B3GALNT2: variants seen among roughly 807,000 people sequenced by gnomAD.
B3GALNT2 encodes UDP-GalNAc:beta-1,3-N-acetylgalactosaminyltransferase 2.
Under a neutral mutation model 61.1 loss-of-function variants are expected in B3GALNT2, and 53 were observed. The ratio of observed to expected loss-of-function variants is 0.87; its 90% CI spans 0.70 to 1.09. B3GALNT2 has a LOEUF of 1.09. B3GALNT2 is among the 50% of genes least tolerant of loss of function. B3GALNT2 has a pLI of 0.00. For synonymous variants in B3GALNT2, 223 were observed against 237.4 expected, an observed-to-expected ratio of 0.94 and a Z score of 0.56; for missense variants, 544 against 623.0, an observed-to-expected ratio of 0.87 and a Z score of 1.35.
chr1:235,462,551 CTGTA>C (rs1436551848), intron 7 of B3GALNT2, among the ~76,000 whole-genome samples: 1 of 152,202 alleles, frequency 6.6e-6, no homozygotes, highest in African/African-American at 2.4e-5. Flanking sequence ...CAAAAACAAT[CTGTA>C]TGTCTATATA....
At chr1:235,501,456 A>C (rs771125053) in intron 1 of B3GALNT2, among the ~76,000 whole-genome samples, 18 of 152,212 alleles carry the variant, frequency 1.2e-4, no homozygotes, top group Non-Finnish European at 2.2e-4. Flanking sequence ...ATCTCTTAAC[A>C]CTGCTTTATC....
At chr1:235,441,839 A>G in the B3GALNT2 span, 2 of 1,613,976 alleles carry the variant, frequency 1.2e-6, no homozygotes, top group Non-Finnish European at 1.7e-6. Context: ...AAGATTGGGA[A>G]CTCAAAACAC....
intron 7 of B3GALNT2, among the ~76,000 whole-genome samples, chr1:235,460,472 AT>A (rs899987032): frequency 2.0e-5 from 3 of 147,682 alleles, no homozygotes; most frequent in Non-Finnish European, 4.5e-5. Context: ...AAAAAAAAAA[AT>A]TAGAAATGAA....
At chr1:235,477,174 C>A (rs542541148) in intron 5 of B3GALNT2, among the ~76,000 whole-genome samples, 1 of 152,282 alleles carries the variant, frequency 6.6e-6, no homozygotes, top group Admixed American at 6.5e-5. Flanking sequence ...AGGTTAACCC[C>A]TCTCCCCCAA....
In B3GALNT2 at chr1:235,450,306, G is replaced by A; in HGVS notation, c.1403C>T (p.Thr468Ile). The change falls in exon 12 of 12, where the codon ACA becomes ATA. Residue 468 changes from threonine (T) to isoleucine (I), a missense_variant. By Grantham distance (89) the Thr-to-Ile change is moderately conservative. Transcript: ENST00000366600. ...SLWLCEKTCE[T>I]GMLSSPQYSP... ...ATACTGAGGAGAAGACAGCATTCCT[G>A]TCTCACAGGTCTTCTCACACAGCCA... is the stretch of plus-strand genomic sequence containing the variant. The A allele has an allele frequency of 1.2e-6, 2 of 1,613,958 alleles. No homozygotes were observed. The highest frequency in any genetic ancestry group is 1.7e-6 in the Non-Finnish European group (2 of 1,179,802).
At chr1:235,469,962 A>C (rs1683909009) in intron 6 of B3GALNT2, among the ~76,000 whole-genome samples, 1 of 151,886 alleles carries the variant, frequency 6.6e-6, no homozygotes, top group Non-Finnish European at 1.5e-5. Flanking sequence ...CAGTGGTGTG[A>C]TCTCAGCTCA....
chr1:235,454,027 T>A, intron 10 of B3GALNT2, 129 bp downstream of exon 10: 1 of 760,294 alleles, frequency 1.3e-6, no homozygotes, highest in Non-Finnish European at 2.0e-6. Flanking sequence ...ATTATAGAGA[T>A]GGGGTCTTGC....
intron 1 of B3GALNT2, among the ~76,000 whole-genome samples, chr1:235,500,545 G>C (rs1685537797): frequency 6.6e-6 from 1 of 152,120 alleles, no homozygotes; most frequent in Non-Finnish European, 1.5e-5. Flanking sequence ...ATAAGCCCAA[G>C]AGTCTTAAAA....
At position 235,448,018 on chromosome 1, in the gene B3GALNT2, G is replaced by A. The variant is rs143306008; in HGVS notation, c.*2188C>T. ...GAGGTCAGGAGTTCAAGACCAGCCTGGCCAACATGGTGAAACCCCGTCTCT... is the reference window on the plus strand; with the variant it reads ...GAGGTCAGGAGTTCAAGACCAGCCTAGCCAACATGGTGAAACCCCGTCTCT... On this transcript the variant is annotated 3_prime_UTR_variant, in exon 12 of 12. Transcript: ENST00000366600. 0.027 allele frequency among the ~76,000 whole-genome samples: 4,112 copies of A among 152,098 alleles called. 189 individuals carry two copies. Among genetic ancestry groups the A allele is most frequent in the African/African-American group, 0.092 (3,801 of 41,458 alleles).
chr1:235,478,376 G>A (rs1440961220), intron 5 of B3GALNT2, among the ~76,000 whole-genome samples: 1 of 152,136 alleles, frequency 6.6e-6, no homozygotes, highest in Admixed American at 6.5e-5. Flanking sequence ...GAAGTAAAAG[G>A]TAACTTTGAT....
intron 2 of B3GALNT2, 26 bp downstream of exon 2, chr1:235,494,655 G>C (rs1219786290): frequency 2.5e-6 from 4 of 1,599,444 alleles, no homozygotes; most frequent in Non-Finnish European, 3.4e-6. Context: ...AATAAACCAG[G>C]CAAGGCAACA....
At chr1:235,445,238 GCACT>G (rs749821890), downstream of B3GALNT2, among the ~76,000 whole-genome samples, 19 of 152,142 alleles carry the variant, frequency 1.2e-4, no homozygotes, top group East Asian at 1.3e-3. Context: ...TCTCAAATGT[GCACT>G]CACTCACTCA....
At chr1:235,444,185 T>C (rs1252829501), downstream of B3GALNT2, among the ~76,000 whole-genome samples, 2 of 152,228 alleles carry the variant, frequency 1.3e-5, no homozygotes, top group Non-Finnish European at 2.9e-5. Flanking sequence ...AGAAGTACCT[T>C]TCTGATTGAT....
intron 5 of B3GALNT2, among the ~76,000 whole-genome samples, chr1:235,475,409 C>T (rs775437678): frequency 7.2e-5 from 11 of 152,070 alleles, no homozygotes; most frequent in Admixed American, 1.3e-4. Context: ...ACCTTACAGG[C>T]GACCTGCTTA....
intron 6 of B3GALNT2, among the ~76,000 whole-genome samples, chr1:235,465,977 T>C (rs553930709): frequency 1.3e-5 from 2 of 152,326 alleles, no homozygotes; most frequent in South Asian, 2.1e-4. Flanking sequence ...ATCATGTTTA[T>C]GTACTTGCTA....
chr1:235,485,620 T>G (rs1015718556), intron 3 of B3GALNT2, among the ~76,000 whole-genome samples: 1 of 152,174 alleles, frequency 6.6e-6, no homozygotes, highest in Non-Finnish European at 1.5e-5. Context: ...CTAATTACCA[T>G]AAATGAATCA....
In B3GALNT2 at chr1:235,476,708, G is replaced by A. The variant is rs191871475; in HGVS notation, c.651+3346C>T. Among the ~76,000 whole-genome samples, 694 of 151,996 alleles carry A rather than the reference G, an allele frequency of 4.6e-3. 5 individuals are homozygous for A. Among genetic ancestry groups the A allele is most frequent in the African/African-American group, 0.016 (662 of 41,452 alleles). Reference sequence around the variant, plus strand: ...CTACTAAAAAATACAAAAATTAGCCGGTGTGGTGGCATGTGCCTGTAATCC... The same window carrying A: ...CTACTAAAAAATACAAAAATTAGCCAGTGTGGTGGCATGTGCCTGTAATCC... On this transcript the variant is annotated intron_variant, in intron 5 of 11. Coordinates refer to ENST00000366600, the MANE Select transcript of B3GALNT2 (RefSeq NM_152490.5).
At chr1:235,502,818 A>C (rs1276747506) in intron 1 of B3GALNT2, among the ~76,000 whole-genome samples, 1 of 152,224 alleles carries the variant, frequency 6.6e-6, no homozygotes, top group African/African-American at 2.4e-5. Flanking sequence ...AAAGAGAGAA[A>C]CCTGTAACAC....
At chr1:235,494,623 G>C (rs912590298) in intron 2 of B3GALNT2, 58 bp downstream of exon 2, 3 of 1,541,226 alleles carry the variant, frequency 1.9e-6, no homozygotes, top group South Asian at 1.2e-5. Flanking sequence ...CGCCTGGCTA[G>C]GTTTTTCAGA....
Sources: gnomAD v4.1 joint callset for allele counts (sites outside exome capture counted in the v4.1 genomes callset) on GRCh38, gnomAD v4.1.1 for gene constraint, MANE v1.5 for transcripts, NCBI Gene and HGNC (gene_info 2026-07-23, HGNC 2026-07-21) for gene names.